RAB8B: variants seen among roughly 807,000 people sequenced by gnomAD.
The protein encoded by RAB8B is RAB8B, member RAS oncogene family, also known as ras-related protein Rab-8B.
A neutral mutation model predicts 32.0 loss-of-function variants in RAB8B; 11 were observed. The observed-to-expected ratio is 0.34, with a 90% CI of 0.22 to 0.57. RAB8B has a LOEUF of 0.57. RAB8B is among the 20% of genes least tolerant of loss of function. The probability of loss-of-function intolerance (pLI) is 0.86; values close to 1 mark genes in which losing one functional copy is unlikely to be tolerated. For missense variants in RAB8B, 190 were observed against 258.5 expected (o/e 0.73, Z 1.82); for synonymous variants, 103 against 89.6 (o/e 1.15, Z -0.85).
chr15:63,207,218 G>T (rs2037705631), intron 1 of RAB8B, among the ~76,000 whole-genome samples: 1 of 152,136 alleles, frequency 6.6e-6, no homozygotes, highest in Admixed American at 6.6e-5. Flanking sequence ...CTGCCAGATT[G>T]TAAACTCCGC....
chr15:63,244,632 C>T, intron 1 of RAB8B, 124 bp from the exon 2 acceptor site: 2 of 720,080 alleles, frequency 2.8e-6, no homozygotes, highest in Non-Finnish European at 4.8e-6. Context: ...CATTCACACC[C>T]TCTCTGTGTT....
In RAB8B at chr15:63,263,583, AAAG is replaced by A; in HGVS notation, c.593_595del (p.Lys198del). On this transcript the variant is annotated inframe_deletion, in exon 8 of 8. Coordinates refer to ENST00000321437, the MANE Select transcript of RAB8B (RefSeq NM_016530.3). The stretch of plus-strand genomic sequence containing the variant: ...CAGTGAAAATAACAGAAAACCGATC[AAAG>A]AAGACCAGTTTCTTTCGTTGCTCGC... 9 of 1,612,768 alleles carry A rather than the reference AAAG, an allele frequency of 5.6e-6. No individual in the cohort carries two copies. Among genetic ancestry groups the A allele is most frequent in the Non-Finnish European group, 7.6e-6 (9 of 1,178,702 alleles).
chr15:63,238,217 A>C (rs577895237), intron 1 of RAB8B, among the ~76,000 whole-genome samples: 1 of 151,796 alleles, frequency 6.6e-6, no homozygotes, highest in South Asian at 2.1e-4. Flanking sequence ...GAGATTGTAT[A>C]GTCCTTTTAA....
rs965938279 is a variant in RAB8B, at chr15:63,262,606, G to A, written c.481-86G>A. 8.7e-5 allele frequency: 38 copies of A among 434,324 alleles called. No individual in the cohort carries two copies. In the East Asian group the frequency reaches 1.3e-3, roughly 15 times the overall value. The allele number at this position is 434,324 out of a possible 1,614,324, so 26.9% of individuals were successfully genotyped here. On this transcript the variant is annotated intron_variant, in intron 6 of 7. Transcript: ENST00000321437. ...CATAGCAAGACCCCATCTCTGAGGCGGGGGGAATATATATATGTGTATATA... is the reference window on the plus strand; with the variant it reads ...CATAGCAAGACCCCATCTCTGAGGCAGGGGGAATATATATATGTGTATATA...
intron 1 of RAB8B, chr15:63,223,205 G>A (rs375795536): frequency 6.8e-5 from 25 of 368,706 alleles, no homozygotes; most frequent in South Asian, 1.0e-4. Flanking sequence ...TCCACCTCCC[G>A]GGTTCAAGCG....
intron 1 of RAB8B, among the ~76,000 whole-genome samples, chr15:63,190,661 A>C (rs533986092): frequency 6.6e-6 from 1 of 152,330 alleles, no homozygotes; most frequent in East Asian, 1.9e-4. Flanking sequence ...TGTGAGTGTT[A>C]ATGGATGTTA....
chr15:63,229,260 CTT>C (rs2037914368), intron 1 of RAB8B, among the ~76,000 whole-genome samples: 1 of 152,176 alleles, frequency 6.6e-6, no homozygotes, highest in Non-Finnish European at 1.5e-5. Flanking sequence ...GAAGACATAT[CTT>C]TTGGTTGCTC....
intron 1 of RAB8B, among the ~76,000 whole-genome samples, chr15:63,190,078 G>C (rs1005948751): frequency 6.6e-6 from 1 of 151,610 alleles, no homozygotes; most frequent in Admixed American, 6.6e-5. Flanking sequence ...AAATGTGTTG[G>C]GGGGAAGACT....
intron 1 of RAB8B, among the ~76,000 whole-genome samples, chr15:63,232,697 GT>G (rs557373547): frequency 5.3e-5 from 8 of 150,880 alleles, no homozygotes; most frequent in African/African-American, 7.3e-5. Context: ...AGTTTATCAG[GT>G]TTTTTTTTAA....
At chr15:63,258,449 A>G (rs1459822567) in intron 5 of RAB8B, among the ~76,000 whole-genome samples, 1 of 152,222 alleles carries the variant, frequency 6.6e-6, no homozygotes, top group Non-Finnish European at 1.5e-5. Flanking sequence ...TTGGGAGCAG[A>G]TAAAAGGAGT....
chr15:63,224,802 C>G (rs1343313269), intron 1 of RAB8B, among the ~76,000 whole-genome samples: 7 of 152,130 alleles, frequency 4.6e-5, no homozygotes. Context: ...CTCCCAAGTC[C>G]TCCATAATCT....
intron 2 of RAB8B, among the ~76,000 whole-genome samples, chr15:63,246,698 G>C (rs892931058): frequency 2.6e-5 from 4 of 152,118 alleles, no homozygotes; most frequent in African/African-American, 9.7e-5. Context: ...AGCCATGATT[G>C]ATTGCATCGT....
intron 6 of RAB8B, among the ~76,000 whole-genome samples, chr15:63,260,751 T>C (rs1345147151): frequency 6.6e-6 from 1 of 152,128 alleles, no homozygotes; most frequent in African/African-American, 2.4e-5. Context: ...TTTTTTCAAC[T>C]GATCATAAAA....
chr15:63,223,798 G>A (rs764143615), intron 1 of RAB8B: 4 of 388,162 alleles, frequency 1.0e-5, no homozygotes, highest in South Asian at 7.4e-5. Flanking sequence ...CTGATACACT[G>A]TTCCAAAAAA....
At chr15:63,205,778 C>G (rs188770413) in intron 1 of RAB8B, among the ~76,000 whole-genome samples, 1 of 152,284 alleles carries the variant, frequency 6.6e-6, no homozygotes, top group African/African-American at 2.4e-5. Flanking sequence ...CCAGTCTGTT[C>G]CCTAAAATTT....
At chr15:63,223,411 C>G (rs372721537) in intron 1 of RAB8B, among the ~76,000 whole-genome samples, 1 of 152,230 alleles carries the variant, frequency 6.6e-6, no homozygotes, top group East Asian at 1.9e-4. Flanking sequence ...GGCCCAGCCA[C>G]CATTTTTTAT....
intron 3 of RAB8B, among the ~76,000 whole-genome samples, chr15:63,254,746 A>G (rs2038146192): frequency 2.0e-5 from 3 of 152,038 alleles, no homozygotes; most frequent in African/African-American, 7.2e-5. Flanking sequence ...CCCTGTCTGT[A>G]CTAAAAATAC....
intron 1 of RAB8B, among the ~76,000 whole-genome samples, chr15:63,207,059 A>G (rs909582596): frequency 2.6e-5 from 4 of 151,816 alleles, no homozygotes; most frequent in African/African-American, 9.7e-5. Flanking sequence ...TCCCCTTTCC[A>G]TGGTAGTCTC....
chr15:63,217,864 C>T (rs1398386768), intron 1 of RAB8B, among the ~76,000 whole-genome samples: 1 of 152,160 alleles, frequency 6.6e-6, no homozygotes, highest in Non-Finnish European at 1.5e-5. Flanking sequence ...AATTATTCTT[C>T]TAGTGGCAAG....
Sources: allele counts gnomAD v4.1 joint callset (sites outside exome capture counted in the v4.1 genomes callset), GRCh38; gene constraint gnomAD v4.1.1; transcripts MANE v1.5; gene names NCBI Gene and HGNC (gene_info 2026-07-23, HGNC 2026-07-21).